Variants in CNTNAP5 observed in about 807,000 individuals in gnomAD.
CNTNAP5 encodes the protein contactin-associated protein-like 5.
Under a neutral mutation model 150.2 loss-of-function variants are expected in CNTNAP5, and 72 were observed. That is an observed-to-expected ratio of 0.48 (90% confidence interval 0.40 to 0.58). The LOEUF is 0.58. Ranked by LOEUF, CNTNAP5 falls within the 20% of genes least tolerant of loss-of-function variation. The probability of loss-of-function intolerance (pLI) is 0.00; values close to 1 mark genes in which losing one functional copy is unlikely to be tolerated. For missense variants in CNTNAP5, 1,636 were observed against 1,626.2 expected (o/e 1.01, Z -0.10); for synonymous variants, 672 against 619.8 (o/e 1.08, Z -1.25).
chr2:124,711,516 C>T (rs547510627), intron 13 of CNTNAP5, among the ~76,000 whole-genome samples: 1 of 152,162 alleles, frequency 6.6e-6, no homozygotes, highest in African/African-American at 2.4e-5. Flanking sequence ...ATGCTTTCGA[C>T]CATAAGTAAC....
intron 19 of CNTNAP5, among the ~76,000 whole-genome samples, chr2:124,798,623 T>C (rs949576544): frequency 6.6e-6 from 1 of 152,244 alleles, no homozygotes; most frequent in Non-Finnish European, 1.5e-5. Context: ...GAGAACATCA[T>C]AAGCATATCC....
At chr2:124,521,072 C>A (rs1694837612) in intron 8 of CNTNAP5, among the ~76,000 whole-genome samples, 1 of 152,186 alleles carries the variant, frequency 6.6e-6, no homozygotes, top group Non-Finnish European at 1.5e-5. Flanking sequence ...CTGGGCGGGT[C>A]CCAATTTCCC....
chr2:124,143,826 C>G (rs1396754955), intron 1 of CNTNAP5, among the ~76,000 whole-genome samples: 2 of 87,028 alleles, frequency 2.3e-5, no homozygotes, highest in Non-Finnish European at 4.5e-5. Context: ...AAAGGGTATT[C>G]AATTAGGAAA....
chr2:124,418,709 A>G (rs1372956273), intron 4 of CNTNAP5, among the ~76,000 whole-genome samples: 1 of 152,130 alleles, frequency 6.6e-6, no homozygotes, highest in Non-Finnish European at 1.5e-5. Flanking sequence ...ACTGCCTTCC[A>G]CTCCAAACTT....
intron 19 of CNTNAP5, among the ~76,000 whole-genome samples, chr2:124,798,544 A>T (rs561359750): frequency 6.2e-4 from 94 of 152,172 alleles, no homozygotes; most frequent in Non-Finnish European, 1.1e-3. Flanking sequence ...CATTGACTTT[A>T]ATTTGCCTCA....
At chr2:124,867,285 T>TA (rs1050189314) in intron 20 of CNTNAP5, among the ~76,000 whole-genome samples, 123 of 152,350 alleles carry the variant, frequency 8.1e-4, no homozygotes, top group African/African-American at 2.9e-3. Flanking sequence ...TCTGACTTCT[T>TA]ACAGTGTTCC....
intron 7 of CNTNAP5, among the ~76,000 whole-genome samples, chr2:124,500,843 A>G (rs1167519987): frequency 2.6e-5 from 4 of 152,308 alleles, no homozygotes; most frequent in Non-Finnish European, 5.9e-5. Flanking sequence ...GAACAATAGG[A>G]GACCTACACT....
intron 1 of CNTNAP5, among the ~76,000 whole-genome samples, chr2:124,148,033 C>T (rs1211272034): frequency 6.6e-6 from 1 of 152,188 alleles, no homozygotes; most frequent in Non-Finnish European, 1.5e-5. Flanking sequence ...GCTGCGGGCA[C>T]TTTCACTCAC....
intron 3 of CNTNAP5, among the ~76,000 whole-genome samples, chr2:124,275,317 T>C (rs1687859891): frequency 1.3e-5 from 2 of 152,150 alleles, no homozygotes; most frequent in Non-Finnish European, 1.5e-5. Context: ...AGGGCTGTCC[T>C]GGTAATGAGG....
chr2:124,842,315 C>A (rs1006948500), intron 19 of CNTNAP5, among the ~76,000 whole-genome samples: 3 of 152,046 alleles, frequency 2.0e-5, no homozygotes, highest in African/African-American at 4.8e-5. Flanking sequence ...GTGGAGTGTA[C>A]CTTTTATACA....
intron 6 of CNTNAP5, among the ~76,000 whole-genome samples, chr2:124,450,500 T>A (rs1692940974): frequency 6.9e-6 from 1 of 145,628 alleles, no homozygotes; most frequent in Admixed American, 7.1e-5. Context: ...TCTGCAGTGG[T>A]CTGTTTCCCT....
Position 124,362,084 on chromosome 2 carries a change from C to T in CNTNAP5, c.382-55359C>T, listed in dbSNP as rs866918439. Among the ~76,000 whole-genome samples the T allele has an allele frequency of 1.6e-4, 25 of 152,304 alleles. No homozygotes were observed. In the Middle Eastern group the frequency reaches 0.014, roughly 83 times the overall value. On this transcript the variant is annotated intron_variant, in intron 3 of 23. Transcript: ENST00000682447. ...GTGACCCGATTTTCCCGGTGCTGTC[C>T]GTCACCCCTTTCTTTGACTCGGAAA...
At chr2:124,327,801 C>T (rs1689257373) in intron 3 of CNTNAP5, among the ~76,000 whole-genome samples, 1 of 152,146 alleles carries the variant, frequency 6.6e-6, no homozygotes, top group Non-Finnish European at 1.5e-5. Flanking sequence ...CTCATGTCTC[C>T]CTCAGCTGTA....
rs182512882 is a variant in CNTNAP5 at position 124,689,141 on chromosome 2, C to T, written c.2077+41183C>T. Among the ~76,000 whole-genome samples, 398 of 152,166 alleles carry T rather than the reference C, an allele frequency of 2.6e-3. 2 individuals are homozygous for T. Among genetic ancestry groups the T allele is most frequent in the African/African-American group, 9.0e-3 (372 of 41,522 alleles). ...ACTTTGCATGCCACCACGCCCAGCT[C>T]AGTAGACATTTATCAAATATTTACT... On this transcript the variant is annotated intron_variant, in intron 13 of 23. Transcript: ENST00000682447.
chr2:124,669,186 A>AATTCATTTGTCCC (rs1228358059), intron 13 of CNTNAP5, among the ~76,000 whole-genome samples: 2 of 152,288 alleles, frequency 1.3e-5, no homozygotes, highest in Admixed American at 1.3e-4. Flanking sequence ...ATTCATTTTT[A>AATTCATTTGTCCC]TATCCTCAGG....
At chr2:124,234,734 C>CT (rs1558812884) in intron 2 of CNTNAP5, among the ~76,000 whole-genome samples, 2 of 152,298 alleles carry the variant, frequency 1.3e-5, no homozygotes, top group East Asian at 3.9e-4. Flanking sequence ...GACAGACCTC[C>CT]TTTCCTGCTC....
chr2:124,030,397 A>T (rs1681012221), intron 1 of CNTNAP5, among the ~76,000 whole-genome samples: 1 of 152,164 alleles, frequency 6.6e-6, no homozygotes, highest in Non-Finnish European at 1.5e-5. Context: ...CAAGGTTAGT[A>T]GAAGTTAATG....
chr2:124,590,646 C>T (rs1026243174), intron 11 of CNTNAP5, among the ~76,000 whole-genome samples: 2 of 152,182 alleles, frequency 1.3e-5, no homozygotes, highest in Admixed American at 6.5e-5. Flanking sequence ...TATTGATGTC[C>T]GTAGGCTGTG....
Position 124,623,749 on chromosome 2 carries a change from G to A in CNTNAP5, c.1876+13829G>A, listed in dbSNP as rs1333361356. Among the ~76,000 whole-genome samples the A allele has an allele frequency of 3.9e-5, 6 of 152,166 alleles. No individual in the cohort carries two copies. The East Asian group carries it at 9.6e-4, about 24-fold the overall frequency. ...GACAGCAGGTTTAGTTCATCCTAGG[G>A]AGGAGCTCACAAGCTGAGTCCCCTG... On this transcript the variant is annotated intron_variant, in intron 12 of 23. Coordinates refer to ENST00000682447, the MANE Select transcript of CNTNAP5 (RefSeq NM_001367498.1).
Sources: allele counts gnomAD v4.1 joint callset (sites outside exome capture counted in the v4.1 genomes callset), GRCh38; gene constraint gnomAD v4.1.1; transcripts MANE v1.5; gene names NCBI Gene and HGNC (gene_info 2026-07-23, HGNC 2026-07-21).